KDELR3: variants seen among roughly 807,000 people sequenced by gnomAD.
KDELR3 encodes ER lumen protein-retaining receptor 3.
KDELR3 carries 26 observed loss-of-function variants against 22.7 expected under a neutral mutation model. The observed-to-expected ratio is 1.15, with a 90% CI of 0.84 to 1.59. The LOEUF (loss-of-function observed/expected upper bound fraction) is 1.59. Among genes scored for constraint, KDELR3 ranks in the 40% most tolerant of loss-of-function variants. The pLI is 0.00. For synonymous variants in KDELR3, 120 were observed against 98.2 expected, an observed-to-expected ratio of 1.22 and a Z score of -1.31; for missense variants, 289 against 251.1, an observed-to-expected ratio of 1.15 and a Z score of -1.02.
chr22:38,469,398 G>A (rs776904663), intron 1 of KDELR3, among the ~76,000 whole-genome samples: 4 of 152,198 alleles, frequency 2.6e-5, no homozygotes, highest in Non-Finnish European at 5.9e-5. Context: ...GGCCTGGAAG[G>A]GGGCCTGAAC....
chr22:38,482,583 T>G lies in KDELR3; in HGVS notation c.*47T>G, dbSNP rs767809444. The G allele has an allele frequency of 2.7e-6, 4 of 1,491,526 alleles. No homozygotes were observed. The highest frequency in any genetic ancestry group is 3.7e-6 in the Non-Finnish European group (4 of 1,072,572). The allele number at this position is 1,491,526 out of a possible 1,614,324, so 92.4% of individuals were successfully genotyped here. A position where few individuals can be genotyped will look rare whatever the true frequency, so the allele number is the denominator to read the frequency against. ...GCCTTAACAAGCACATGAAGGAAAC[T>G]ATTTTGAATGTTCTCTTTGGCAACT... On this transcript the variant is annotated 3_prime_UTR_variant, in exon 5 of 5. Transcript: ENST00000216014.
intron 2 of KDELR3, among the ~76,000 whole-genome samples, chr22:38,476,228 T>C (rs1242450298): frequency 6.6e-6 from 1 of 151,970 alleles, no homozygotes; most frequent in Non-Finnish European, 1.5e-5. Flanking sequence ...TAGGAGTCTT[T>C]TTTTTTTTTG....
At chr22:38,478,629 A>ATGTTTT (rs2089576748) in intron 2 of KDELR3, among the ~76,000 whole-genome samples, 1 of 43,560 alleles carries the variant, frequency 2.3e-5, no homozygotes, top group African/African-American at 9.3e-5. Flanking sequence ...AGCATCTGTG[A>ATGTTTT]TTTTTTTTTT....
intron 4 of KDELR3, 34 bp from the exon 5 acceptor site, chr22:38,482,462 G>A (rs771791390): frequency 1.3e-6 from 2 of 1,561,596 alleles, no homozygotes; most frequent in Non-Finnish European, 1.8e-6. Context: ...TTCATCAGAT[G>A]GTAAATTCTT....
At chr22:38,480,945 T>A (rs1555923357) in intron 3 of KDELR3, among the ~76,000 whole-genome samples, 3 of 151,298 alleles carry the variant, frequency 2.0e-5, no homozygotes, top group Non-Finnish European at 2.9e-5. Flanking sequence ...AAAAAAAAAA[T>A]TAAAAGTAGT....
intron 4 of KDELR3, among the ~76,000 whole-genome samples, 196 bp from the exon 5 acceptor site, chr22:38,482,300 G>T (rs986244705): frequency 3.3e-5 from 5 of 152,168 alleles, no homozygotes; most frequent in Non-Finnish European, 7.4e-5. Context: ...TTTACAGCTG[G>T]GGGGAAGGGT....
At chr22:38,473,743 C>T (rs577693671) in intron 1 of KDELR3, among the ~76,000 whole-genome samples, 2 of 152,248 alleles carry the variant, frequency 1.3e-5, no homozygotes, top group Non-Finnish European at 2.9e-5. Flanking sequence ...GAGGCCAAGG[C>T]GGGCAGATCA....
chr22:38,473,262 AAAT>A (rs965661545), intron 1 of KDELR3, among the ~76,000 whole-genome samples: 2 of 151,710 alleles, frequency 1.3e-5, no homozygotes, highest in African/African-American at 4.8e-5. Flanking sequence ...GTCTCTACAA[AAAT>A]AATAATAATA....
chr22:38,481,547 G>A (rs758657859), intron 4 of KDELR3, 83 bp downstream of exon 4: 3 of 1,592,896 alleles, frequency 1.9e-6, no homozygotes, highest in South Asian at 2.3e-5. Flanking sequence ...AGATACAGAT[G>A]TGAACAGTCA....
intron 1 of KDELR3, among the ~76,000 whole-genome samples, chr22:38,474,109 A>C (rs1461226191): frequency 6.6e-6 from 1 of 152,188 alleles, no homozygotes; most frequent in Non-Finnish European, 1.5e-5. Context: ...TTGTAAAGTC[A>C]GTGAGTTGTT....
chr22:38,480,840 A>T lies in KDELR3; in HGVS notation c.352-372A>T, dbSNP rs150152282. Among the ~76,000 whole-genome samples, 468 of 152,242 alleles carry T rather than the reference A, an allele frequency of 3.1e-3. 2 individuals carry two copies. Among genetic ancestry groups the T allele is most frequent in the African/African-American group, 0.011 (455 of 41,550 alleles). On this transcript the variant is annotated intron_variant, in intron 3 of 4. Transcript: ENST00000216014. ...CAGCTACTAAGGAAGGTGAGATGGAAAGATCACTTGAGCCCAGGAGTTTGA... is the reference window on the plus strand; with the variant it reads ...CAGCTACTAAGGAAGGTGAGATGGATAGATCACTTGAGCCCAGGAGTTTGA...
chr22:38,481,505 G>GAGTT, intron 4 of KDELR3, 41 bp downstream of exon 4: 1 of 1,613,088 alleles, frequency 6.2e-7, no homozygotes, highest in South Asian at 1.1e-5. Context: ...CTGGCCTAAG[G>GAGTT]AGTTACTCAT....
rs569220095 is a variant in KDELR3 at position 38,480,381 on chromosome 22, T to C, written c.351+630T>C. Among the ~76,000 whole-genome samples the C allele has an allele frequency of 2.0e-5, 3 of 152,228 alleles. No individual in the cohort carries two copies. In the South Asian group the frequency reaches 6.2e-4, roughly 32 times the overall value. On this transcript the variant is annotated intron_variant, in intron 3 of 4. Transcript: ENST00000216014. Reference sequence around the variant, plus strand: ...CTGGTCTCCAACTCCTGACCTCAAGTGATCCACCCACCTCGGCCTCCCAAA... The same window carrying C: ...CTGGTCTCCAACTCCTGACCTCAAGCGATCCACCCACCTCGGCCTCCCAAA...
chr22:38,468,769 T>C (rs2089504364), intron 1 of KDELR3, among the ~76,000 whole-genome samples: 1 of 149,764 alleles, frequency 6.7e-6, no homozygotes, highest in Non-Finnish European at 1.5e-5. Context: ...CCCTCGTCCC[T>C]CCCCTGCCTG....
intron 1 of KDELR3, among the ~76,000 whole-genome samples, chr22:38,473,491 T>C (rs2145964371): frequency 6.6e-6 from 1 of 152,214 alleles, no homozygotes; most frequent in African/African-American, 2.4e-5. Context: ...GTATGAACCC[T>C]TTTTTGTCAA....
intron 2 of KDELR3, among the ~76,000 whole-genome samples, chr22:38,477,413 C>T (rs146880384): frequency 0.024 from 3,699 of 151,026 alleles, 151 homozygotes; most frequent in African/African-American, 0.085. Flanking sequence ...CTATGTTGGC[C>T]GGGCTGGTCT....
Position 38,477,214 on chromosome 22 carries a change from TTTTTA to T in KDELR3, c.193-2374_193-2370del, listed in dbSNP as rs201981173. Among the ~76,000 whole-genome samples the T allele has an allele frequency of 5.3e-3, 790 of 148,826 alleles. 14 individuals are homozygous for T. The highest frequency in any genetic ancestry group is 0.029 in the Admixed American group (434 of 14,922). ...AGGCATTAGCCACCATGCCCAGTCTTTTTTATTTTGAGACAGTCTCCCTCTGTTGC... is the reference window on the plus strand; with the variant it reads ...AGGCATTAGCCACCATGCCCAGTCTTTTTTGAGACAGTCTCCCTCTGTTGC... On this transcript the variant is annotated intron_variant, in intron 2 of 4. Coordinates refer to ENST00000216014, the MANE Select transcript of KDELR3 (RefSeq NM_006855.4).
Position 38,468,321 on chromosome 22 carries a change from A to C in KDELR3, c.88A>C (p.Lys30Gln), listed in dbSNP as rs1295166457. The C allele has an allele frequency of 6.2e-7, 1 of 1,613,424 alleles. No individual in the cohort carries two copies. The highest frequency in any genetic ancestry group is 2.2e-5 in the East Asian group (1 of 44,848). The change falls in exon 1 of 5, where the codon AAG becomes CAG. Residue 30 changes from lysine (K) to glutamine (Q), a missense_variant. Coordinates refer to ENST00000216014, the MANE Select transcript of KDELR3 (RefSeq NM_006855.4). ...GAAGATCTGGAGGTCCAAGTGCTGC[A>C]AGGGTGAGGGGCGCCTGGCAGGGAG... ...LGKIWRSKCC[K>Q]GISGKSQILF...
chr22:38,482,578 G>A lies in KDELR3; in HGVS notation c.*42G>A, dbSNP rs751774791. On this transcript the variant is annotated 3_prime_UTR_variant, in exon 5 of 5. Coordinates refer to ENST00000216014, the MANE Select transcript of KDELR3 (RefSeq NM_006855.4). Reference sequence around the variant, plus strand: ...TCTACGCCTTAACAAGCACATGAAGGAAACTATTTTGAATGTTCTCTTTGG... The same window carrying A: ...TCTACGCCTTAACAAGCACATGAAGAAAACTATTTTGAATGTTCTCTTTGG... The A allele has an allele frequency of 7.2e-6, 11 of 1,534,384 alleles. No individual in the cohort carries two copies. The East Asian group carries it at 2.2e-4, about 31-fold the overall frequency.
Sources: allele counts gnomAD v4.1 joint callset (sites outside exome capture counted in the v4.1 genomes callset), GRCh38; gene constraint gnomAD v4.1.1; transcripts MANE v1.5; gene names NCBI Gene and HGNC (gene_info 2026-07-23, HGNC 2026-07-21).